Variants in LRRFIP1 observed in about 807,000 individuals in gnomAD.
The protein encoded by LRRFIP1 is LRR binding FLII interacting protein 1.
A neutral mutation model predicts 104.4 loss-of-function variants in LRRFIP1; 62 were observed. The ratio of observed to expected loss-of-function variants is 0.59; its 90% CI spans 0.48 to 0.73. The LOEUF is 0.73. Ranked by LOEUF, LRRFIP1 falls within the 30% of genes least tolerant of loss-of-function variation. LRRFIP1 has a pLI of 0.00. For missense variants in LRRFIP1, 796 were observed against 824.5 expected, an observed-to-expected ratio of 0.97 and a Z score of 0.42; for synonymous variants, 300 against 299.0, an observed-to-expected ratio of 1.00 and a Z score of -0.03.
At chr2:237,731,328 C>T (rs865944253) in intron 8 of LRRFIP1, among the ~76,000 whole-genome samples, 2 of 152,068 alleles carry the variant, frequency 1.3e-5, no homozygotes, top group Non-Finnish European at 2.9e-5. Flanking sequence ...CTTGCCAGGG[C>T]ACTTCTTCCT....
intron 23 of LRRFIP1, among the ~76,000 whole-genome samples, chr2:237,775,701 G>A (rs116109999): frequency 0.02 from 3,004 of 152,156 alleles, 89 homozygotes; most frequent in African/African-American, 0.068. Flanking sequence ...AGCCGGGTGC[G>A]GTGGCCCGTG....
intron 8 of LRRFIP1, among the ~76,000 whole-genome samples, chr2:237,732,189 C>T (rs899262994): frequency 3.9e-5 from 6 of 152,198 alleles, no homozygotes; most frequent in Non-Finnish European, 1.5e-5. Context: ...CTCGTTCTCT[C>T]CCTCCCCCGT....
chr2:237,660,218 G>A (rs2087624005), intron 1 of LRRFIP1, among the ~76,000 whole-genome samples: 1 of 152,176 alleles, frequency 6.6e-6, no homozygotes, highest in South Asian at 2.1e-4. Flanking sequence ...AAAAACAAAA[G>A]GAACTACACA....
At chr2:237,652,961 TTC>T (rs1489298872) in intron 1 of LRRFIP1, among the ~76,000 whole-genome samples, 2 of 152,208 alleles carry the variant, frequency 1.3e-5, no homozygotes, top group Non-Finnish European at 2.9e-5. Context: ...TCCCTTTCTG[TTC>T]TTGTGATAGT....
intron 1 of LRRFIP1, among the ~76,000 whole-genome samples, chr2:237,701,981 T>C (rs1233299774): frequency 1.3e-5 from 2 of 152,188 alleles, no homozygotes; most frequent in Non-Finnish European, 2.9e-5. Flanking sequence ...TCTCCCCAGC[T>C]GGCCTGTGGG....
chr2:237,758,755 T>C lies in LRRFIP1; in HGVS notation c.1251T>C (p.Phe417=). 6 of 1,613,422 alleles carry C rather than the reference T, an allele frequency of 3.7e-6. No homozygotes were observed. Among genetic ancestry groups the C allele is most frequent in the Non-Finnish European group, 5.1e-6 (6 of 1,179,684 alleles). ...IGALERQKEF[F]DSVRSERDDL... ...CATTAGAGAGGCAGAAAGAGTTCTT[T>C]GATTCCGTAAGGAGTGAACGGGATG... Residue 417 remains phenylalanine (F), a synonymous_variant, in exon 18 of 24, where the codon TTT becomes TTC. Coordinates refer to ENST00000308482, the MANE Select transcript of LRRFIP1 (RefSeq NM_001137550.2).
At chr2:237,723,666 C>A in intron 7 of LRRFIP1, 80 bp downstream of exon 7, 1 of 1,544,752 alleles carries the variant, frequency 6.5e-7, no homozygotes, top group Non-Finnish European at 8.9e-7. Flanking sequence ...TTCCACGAAT[C>A]TCATGGGTGC....
At chr2:237,687,737 A>T (rs1006151106) in intron 1 of LRRFIP1, among the ~76,000 whole-genome samples, 2 of 152,198 alleles carry the variant, frequency 1.3e-5, no homozygotes, top group Non-Finnish European at 2.9e-5. Context: ...GTTCATGAAA[A>T]ACAGATGTTA....
intron 15 of LRRFIP1, 109 bp from the exon 16 acceptor site, chr2:237,755,986 T>G: frequency 1.6e-6 from 1 of 606,542 alleles, no homozygotes; most frequent in Non-Finnish European, 2.9e-6. Context: ...ATTGTGATGA[T>G]GTAGTAGCAG....
chr2:237,733,526 G>A (rs116048906), intron 8 of LRRFIP1, among the ~76,000 whole-genome samples: 1 of 152,178 alleles, frequency 6.6e-6, no homozygotes, highest in South Asian at 2.1e-4. Flanking sequence ...AAATGATCGT[G>A]TTTTAAAGAT....
At chr2:237,678,693 A>C (rs1308296775) in intron 1 of LRRFIP1, among the ~76,000 whole-genome samples, 1 of 151,848 alleles carries the variant, frequency 6.6e-6, no homozygotes, top group African/African-American at 2.4e-5. Flanking sequence ...TTTTTAGTAG[A>C]GACAAGGTTT....
chr2:237,676,188 T>C (rs181531303), intron 1 of LRRFIP1, among the ~76,000 whole-genome samples: 129 of 152,340 alleles, frequency 8.5e-4, no homozygotes, highest in African/African-American at 2.9e-3. Flanking sequence ...GCAACTCCCA[T>C]GCAACTTTCT....
At chr2:237,712,636 C>T (rs1299285794) in intron 2 of LRRFIP1, among the ~76,000 whole-genome samples, 7 of 152,064 alleles carry the variant, frequency 4.6e-5, no homozygotes, top group East Asian at 3.9e-4. Flanking sequence ...CGTGTGTGTG[C>T]GTGTGCATGT....
At chr2:237,738,570 G>A (rs1486976898) in intron 10 of LRRFIP1, among the ~76,000 whole-genome samples, 1 of 152,190 alleles carries the variant, frequency 6.6e-6, no homozygotes, top group African/African-American at 2.4e-5. Flanking sequence ...TTATAATAAC[G>A]TGAAAATGTA....
rs2092844730 is a variant in LRRFIP1, at chr2:237,692,251, G to A, written c.97-16293G>A. ...CTCAGCCCGCGGCCACCTGCGCCCC[G>A]CCCCTGTCGGCCGCGCCCGAGCCCA... On this transcript the variant is annotated intron_variant, in intron 1 of 23. Transcript: ENST00000308482. 1.4e-5 allele frequency: 16 copies of A among 1,137,288 alleles called. No homozygotes were observed. In the South Asian group the frequency reaches 3.1e-4, roughly 22 times the overall value. The allele number at this position is 1,137,288 out of a possible 1,614,324, so 70.4% of individuals were successfully genotyped here.
At chr2:237,712,068 G>A (rs529723286) in intron 2 of LRRFIP1, among the ~76,000 whole-genome samples, 1 of 152,198 alleles carries the variant, frequency 6.6e-6, no homozygotes, top group Admixed American at 6.5e-5. Context: ...CTGGGGCGGG[G>A]GGACATCCCA....
chr2:237,762,653 A>C (rs2059997018), intron 19 of LRRFIP1: 1 of 1,611,028 alleles, frequency 6.2e-7, no homozygotes, highest in East Asian at 2.2e-5. Context: ...GAATGTGGGG[A>C]AAAGAGAAAT....
At position 237,760,069 on chromosome 2, in the gene LRRFIP1, T is replaced by A. The variant is rs1334684291; in HGVS notation, c.1323T>A (p.His441Gln). 6.2e-7 allele frequency: 1 copy of A among 1,613,614 alleles called. No individual in the cohort carries two copies. Among genetic ancestry groups the A allele is most frequent in the Non-Finnish European group, 8.5e-7 (1 of 1,179,564 alleles). The change falls in exon 19 of 24, where the codon CAT becomes CAA. Residue 441 changes from histidine to glutamine, a missense_variant. By Grantham distance (24) the His-to-Gln change is conservative. Transcript: ENST00000308482. Reference protein sequence around the residue: ...VVMLKEELKKHGIILNSEIAT... With the variant: ...VVMLKEELKKQGIILNSEIAT... ...GAGCCTATTTTTGTTCCCAGAAACA[T>A]GGAATAATCCTAAATTCAGAAATAG...
Position 237,767,539 on chromosome 2 carries a change from G to C in LRRFIP1, c.1460-2404G>C, listed in dbSNP as rs1265048580. Reference sequence around the variant, plus strand: ...GAGGAAGATGGATTTTTACTTATAGGTTGTTATACAAAGTTGGGACAGCAA... The same window carrying C: ...GAGGAAGATGGATTTTTACTTATAGCTTGTTATACAAAGTTGGGACAGCAA... On this transcript the variant is annotated intron_variant, in intron 19 of 23. Transcript: ENST00000308482. 2.6e-5 allele frequency among the ~76,000 whole-genome samples: 4 copies of C among 152,132 alleles called. No homozygotes were observed. In the East Asian group the frequency reaches 5.8e-4, roughly 22 times the overall value.
Sources: allele counts gnomAD v4.1 joint callset (sites outside exome capture counted in the v4.1 genomes callset), GRCh38; gene constraint gnomAD v4.1.1; transcripts MANE v1.5; gene names NCBI Gene and HGNC (gene_info 2026-07-23, HGNC 2026-07-21).